Variants in CNTN1 observed in about 807,000 individuals in gnomAD.
CNTN1 encodes the protein contactin 1, also known as contactin-1.
In CNTN1, 38 loss-of-function variants were observed where a neutral mutation model predicts 126.4. That is an observed-to-expected ratio of 0.30 (90% confidence interval 0.23 to 0.39). The LOEUF is 0.39. Ranked by LOEUF, CNTN1 falls within the 10% of genes least tolerant of loss-of-function variation. The pLI is 1.00. For missense variants in CNTN1, 1,009 were observed against 1,248.4 expected (o/e 0.81, Z 2.89); for synonymous variants, 413 against 422.6 (o/e 0.98, Z 0.28).
chr12:40,974,413 G>A (rs1015802387), intron 15 of CNTN1, among the ~76,000 whole-genome samples: 4 of 151,604 alleles, frequency 2.6e-5, no homozygotes, highest in African/African-American at 9.7e-5. Flanking sequence ...GCCAGCCCAG[G>A]CAACGTGGTG....
chr12:40,756,489 A>G (rs1938613452), intron 1 of CNTN1, among the ~76,000 whole-genome samples: 1 of 152,142 alleles, frequency 6.6e-6, no homozygotes, highest in Non-Finnish European at 1.5e-5. Flanking sequence ...CAAAAATTAC[A>G]ATAAAATTAG....
rs1246151781 is a variant in CNTN1, at chr12:40,713,034, A to G, written c.-77+20442A>G. On this transcript the variant is annotated intron_variant, in intron 1 of 23. Coordinates refer to ENST00000551295, the MANE Select transcript of CNTN1 (RefSeq NM_001843.4). ...TTGTATTGCTATAAAGGAATACCAG[A>G]GGCTGTGTAATGTATAAAGAAAAGA... is the stretch of plus-strand genomic sequence containing the variant. Among the ~76,000 whole-genome samples the G allele has an allele frequency of 2.0e-5, 3 of 152,106 alleles. 1 individual carries two copies. The East Asian group carries it at 5.8e-4, about 29-fold the overall frequency.
intron 1 of CNTN1, among the ~76,000 whole-genome samples, chr12:40,710,950 T>A (rs945312816): frequency 6.6e-6 from 1 of 151,998 alleles, no homozygotes; most frequent in African/African-American, 2.4e-5. Context: ...TCAGCCTTTT[T>A]CCACATGCTT....
intron 15 of CNTN1, among the ~76,000 whole-genome samples, chr12:40,978,070 G>A (rs1464460973): frequency 6.6e-6 from 1 of 151,964 alleles, no homozygotes; most frequent in Non-Finnish European, 1.5e-5. Flanking sequence ...CCAAAGTGCT[G>A]GGATTATAGA....
chr12:41,058,778 T>G (rs1263980619), intron 23 of CNTN1, among the ~76,000 whole-genome samples: 1 of 152,148 alleles, frequency 6.6e-6, no homozygotes, highest in Admixed American at 6.5e-5. Context: ...ATCTTCAGGT[T>G]GAGAAACTGA....
At chr12:40,720,153 A>T (rs1810057035) in intron 1 of CNTN1, among the ~76,000 whole-genome samples, 1 of 151,704 alleles carries the variant, frequency 6.6e-6, no homozygotes. Context: ...GCCAAGCCTA[A>T]TGTGGCTTTC....
chr12:41,039,565 A>C (rs1239851918), intron 23 of CNTN1, among the ~76,000 whole-genome samples: 1 of 152,216 alleles, frequency 6.6e-6, no homozygotes, highest in African/African-American at 2.4e-5. Context: ...TCAATATGCT[A>C]GTTCAATATG....
At chr12:40,738,811 A>T (rs763021534) in intron 1 of CNTN1, among the ~76,000 whole-genome samples, 1 of 152,082 alleles carries the variant, frequency 6.6e-6, no homozygotes, top group African/African-American at 2.4e-5. Flanking sequence ...ATTTGCAAAA[A>T]TTAAAAAGCA....
chr12:40,818,683 C>T (rs1332055757), intron 1 of CNTN1, among the ~76,000 whole-genome samples: 1 of 152,184 alleles, frequency 6.6e-6, no homozygotes, highest in Non-Finnish European at 1.5e-5. Context: ...ATTCATCCAT[C>T]TGATCCTCCA....
At chr12:40,756,415 T>C (rs1337937437) in intron 1 of CNTN1, among the ~76,000 whole-genome samples, 3 of 152,070 alleles carry the variant, frequency 2.0e-5, no homozygotes, top group African/African-American at 4.8e-5. Flanking sequence ...TACCAAATGA[T>C]AGGAAGTCAA....
At chr12:40,924,457 A>G in intron 5 of CNTN1, 100 bp from the exon 6 acceptor site, 1 of 711,820 alleles carries the variant, frequency 1.4e-6, no homozygotes, top group Non-Finnish European at 2.6e-6. Context: ...GAAGTGCTGT[A>G]TCTCACGAAT....
At chr12:40,700,129 CCAT>C (rs139617980) in intron 1 of CNTN1, among the ~76,000 whole-genome samples, 1,681 of 152,022 alleles carry the variant, frequency 0.011, 23 homozygotes, top group African/African-American at 0.038. Flanking sequence ...CACACACACA[CCAT>C]ATTACCCTTT....
chr12:40,740,481 A>G (rs1020664170), intron 1 of CNTN1, among the ~76,000 whole-genome samples: 1 of 152,092 alleles, frequency 6.6e-6, no homozygotes, highest in Admixed American at 6.6e-5. Context: ...AAATGTGTCA[A>G]CTCCTTACAT....
At chr12:40,962,279 G>A (rs1003840350) in intron 15 of CNTN1, among the ~76,000 whole-genome samples, 4 of 151,982 alleles carry the variant, frequency 2.6e-5, no homozygotes, top group Non-Finnish European at 5.9e-5. Context: ...ATGTGTGCAC[G>A]CATTTGTAAT....
At chr12:40,797,778 T>G (rs1278957185) in intron 1 of CNTN1, among the ~76,000 whole-genome samples, 1 of 151,930 alleles carries the variant, frequency 6.6e-6, no homozygotes, top group Non-Finnish European at 1.5e-5. Flanking sequence ...ATGGATTCGG[T>G]ATATAGTTAT....
At chr12:40,739,046 A>C (rs1034388839) in intron 1 of CNTN1, among the ~76,000 whole-genome samples, 2 of 152,054 alleles carry the variant, frequency 1.3e-5, no homozygotes, top group African/African-American at 4.8e-5. Flanking sequence ...CTGCACTACA[A>C]ACCAGTTAAA....
chr12:40,811,160 G>T (rs78497256), intron 1 of CNTN1, among the ~76,000 whole-genome samples: 5,096 of 152,254 alleles, frequency 0.033, 119 homozygotes, highest in Middle Eastern at 0.11. Flanking sequence ...ATTTCTTCAA[G>T]ACAGTGATTA....
chr12:40,947,764 C>CATATATATATATATATATAT (rs34815270), intron 14 of CNTN1, among the ~76,000 whole-genome samples: 2 of 68,272 alleles, frequency 2.9e-5, no homozygotes, highest in African/African-American at 1.3e-4. Context: ...GTCACTATTT[C>CATATATATATATATATATAT]ATATATATAT....
At chr12:40,886,672 G>A (rs1477063950) in intron 1 of CNTN1, among the ~76,000 whole-genome samples, 1 of 152,152 alleles carries the variant, frequency 6.6e-6, no homozygotes, top group East Asian at 1.9e-4. Flanking sequence ...TATTGCCTAG[G>A]TTTTCTTCTA....
Sources: allele counts gnomAD v4.1 joint callset (sites outside exome capture counted in the v4.1 genomes callset), GRCh38; gene constraint gnomAD v4.1.1; transcripts MANE v1.5; gene names NCBI Gene and HGNC (gene_info 2026-07-23, HGNC 2026-07-21).